Variants in GLG1 observed in about 807,000 individuals in gnomAD.
GLG1 encodes Golgi apparatus protein 1.
A neutral mutation model predicts 160.5 loss-of-function variants in GLG1; 38 were observed. The observed-to-expected ratio is 0.24, with a 90% CI of 0.18 to 0.31. GLG1 has a LOEUF of 0.31. Ranked by LOEUF, GLG1 falls within the 10% of genes least tolerant of loss-of-function variation. The pLI is 1.00. For synonymous variants in GLG1, 644 were observed against 543.4 expected, an observed-to-expected ratio of 1.19 and a Z score of -2.57; for missense variants, 1,373 against 1,505.2, an observed-to-expected ratio of 0.91 and a Z score of 1.45.
chr16:74,460,045 G>C (rs2014724914), intron 22 of GLG1, among the ~76,000 whole-genome samples: 1 of 145,994 alleles, frequency 6.8e-6, no homozygotes, highest in Admixed American at 6.9e-5. Context: ...TTTTTAGACA[G>C]AGTCTTGCTC....
At chr16:74,457,423 A>C (rs1197282175) in intron 24 of GLG1, among the ~76,000 whole-genome samples, 1 of 152,004 alleles carries the variant, frequency 6.6e-6, no homozygotes, top group Non-Finnish European at 1.5e-5. Flanking sequence ...ATACAAACAA[A>C]CAACTTCTAT....
intron 1 of GLG1, among the ~76,000 whole-genome samples, chr16:74,538,681 CCT>C (rs1261312348): frequency 1.3e-5 from 2 of 151,310 alleles, no homozygotes; most frequent in African/African-American, 4.9e-5. Flanking sequence ...CATTCAACTA[CCT>C]TTTCAAAAAG....
At chr16:74,508,526 G>C (rs993885804) in intron 3 of GLG1, among the ~76,000 whole-genome samples, 1 of 152,102 alleles carries the variant, frequency 6.6e-6, no homozygotes, top group African/African-American at 2.4e-5. Flanking sequence ...CCTGTAACCA[G>C]GCTGATATGC....
chr16:74,463,014 G>A (rs1408127036), intron 20 of GLG1: 1 of 416,872 alleles, frequency 2.4e-6, no homozygotes, highest in Non-Finnish European at 4.3e-6. Flanking sequence ...CAACTCAGAG[G>A]TGAAATGTTT....
chr16:74,462,377 T>C (rs1300482000), intron 21 of GLG1, 111 bp downstream of exon 21: 17 of 1,039,780 alleles, frequency 1.6e-5, no homozygotes, highest in Non-Finnish European at 2.5e-5. Flanking sequence ...TTCGGGAAGA[T>C]ATGAAAAAGG....
At chr16:74,461,737 T>C (rs183814848) in intron 22 of GLG1, 90 of 165,288 alleles carry the variant, frequency 5.4e-4, no homozygotes, top group Admixed American at 2.8e-3. Flanking sequence ...TCCCAAAGTG[T>C]TGGGATTACA....
At chr16:74,464,166 T>C (rs139137382) in intron 19 of GLG1, among the ~76,000 whole-genome samples, 151 of 152,312 alleles carry the variant, frequency 9.9e-4, no homozygotes, top group Non-Finnish European at 1.4e-3. Flanking sequence ...TTACACAGGA[T>C]TGGTTCCCTA....
Position 74,468,933 on chromosome 16 carries a change from T to G in GLG1, c.2436+13A>C. 2 of 1,493,002 alleles carry G rather than the reference T, an allele frequency of 1.3e-6. No homozygotes were observed. Among genetic ancestry groups the G allele is most frequent in the South Asian group, 2.3e-5 (2 of 88,678 alleles). 92.5% of individuals were successfully genotyped at this position (1,493,002 alleles called of 1,614,324 possible). ...CACTGTGGTTTCTGGGAGCAGAGGC[T>G]GGGAGGCATTACCATCTCCAGCTCC... is the stretch of plus-strand genomic sequence containing the variant. On this transcript the variant is annotated intron_variant, in intron 17 of 25. Coordinates refer to ENST00000422840, the MANE Select transcript of GLG1 (RefSeq NM_001145667.2).
At chr16:74,500,206 A>C (rs922342123) in intron 4 of GLG1, among the ~76,000 whole-genome samples, 1 of 152,236 alleles carries the variant, frequency 6.6e-6, no homozygotes, top group Non-Finnish European at 1.5e-5. Flanking sequence ...CCAAACATTA[A>C]TTAAAGTGAG....
intron 2 of GLG1, among the ~76,000 whole-genome samples, chr16:74,515,393 G>A (rs2016946811): frequency 6.6e-6 from 1 of 152,124 alleles, no homozygotes; most frequent in African/African-American, 2.4e-5. Flanking sequence ...CACATAATTG[G>A]AAGTAGAACA....
intron 2 of GLG1, among the ~76,000 whole-genome samples, chr16:74,521,287 G>C (rs1437334464): frequency 1.3e-5 from 2 of 152,062 alleles, no homozygotes; most frequent in Non-Finnish European, 2.9e-5. Context: ...TGAGAAAAAA[G>C]TTTTAGGGGT....
In GLG1 at chr16:74,563,947, A is replaced by G. The variant is rs148042352; in HGVS notation, c.439-31794T>C. On this transcript the variant is annotated intron_variant, in intron 1 of 25. Coordinates refer to ENST00000422840, the MANE Select transcript of GLG1 (RefSeq NM_001145667.2). ...CACTTTTATTTTTATTCTTTGAGACAGGTTTTTGCTCTGTCACCCAGGCCG... is the reference window on the plus strand; with the variant it reads ...CACTTTTATTTTTATTCTTTGAGACGGGTTTTTGCTCTGTCACCCAGGCCG... Among the ~76,000 whole-genome samples the G allele has an allele frequency of 6.6e-5, 10 of 152,218 alleles. No homozygotes were observed. In the East Asian group the frequency reaches 1.9e-3, roughly 29 times the overall value.
At chr16:74,459,900 G>C (rs1227869615) in intron 22 of GLG1, 111 bp from the exon 23 acceptor site, 1 of 590,932 alleles carries the variant, frequency 1.7e-6, no homozygotes, top group Non-Finnish European at 2.9e-6. Context: ...CTGTCACCCA[G>C]GCTGCAGTGC....
rs1000111950 is a variant in GLG1 at position 74,483,123 on chromosome 16, T to G, written c.1573A>C (p.Ile525Leu). ...CKHIRSGDPM[I>L]LSCLMEHLYT... Reference sequence around the variant, plus strand: ...AAATGTTCCATCAGGCACGACAAGATCCTAGCCATTAAATGTGTAAAATTG... The same window carrying G: ...AAATGTTCCATCAGGCACGACAAGAGCCTAGCCATTAAATGTGTAAAATTG... The change falls in exon 10 of 26, where the codon ATC (isoleucine) becomes CTC (leucine). Residue 525 changes from isoleucine (I) to leucine (L), a missense_variant and splice_region_variant. Ile to Leu is a conservative substitution (Grantham distance 5, BLOSUM62 2). This residue lies in a region of GLG1 where 386 missense variants were observed against 388.5 expected (regional missense o/e 0.99). Transcript: ENST00000422840. 2 of 1,564,308 alleles carry G rather than the reference T, an allele frequency of 1.3e-6. No individual in the cohort carries two copies. The highest frequency in any genetic ancestry group is 1.8e-6 in the Non-Finnish European group (2 of 1,134,930).
chr16:74,458,069 A>G, intron 23 of GLG1, 75 bp from the exon 24 acceptor site: 1 of 1,416,792 alleles, frequency 7.1e-7, no homozygotes, highest in Non-Finnish European at 9.8e-7. Flanking sequence ...TAAATACTTC[A>G]TATACTAATA....
chr16:74,457,807 C>CT, intron 24 of GLG1, 67 bp downstream of exon 24: 1 of 1,483,044 alleles, frequency 6.7e-7, no homozygotes, highest in Non-Finnish European at 9.3e-7. Context: ...CAACTGATGT[C>CT]TAAGAGGGAG....
At chr16:74,473,933 T>G (rs1299519644) in intron 13 of GLG1, among the ~76,000 whole-genome samples, 2 of 145,848 alleles carry the variant, frequency 1.4e-5, no homozygotes, top group Admixed American at 6.8e-5. Context: ...AATGTGACTG[T>G]GATGTGAAGT....
chr16:74,581,493 G>A (rs1957935967), intron 1 of GLG1, among the ~76,000 whole-genome samples: 1 of 145,022 alleles, frequency 6.9e-6, no homozygotes, highest in Admixed American at 7.1e-5. Flanking sequence ...TCTGGAATGG[G>A]AAGTTGTTAT....
In GLG1 at chr16:74,452,999, C is replaced by G. The variant is rs2014386035; in HGVS notation, c.*168G>C. ...TGCACGGTGAGGAGGAGGAGGACAC[C>G]ATGGACACGAGTGGAGGCTGGATGG... On this transcript the variant is annotated 3_prime_UTR_variant, in exon 26 of 26. Coordinates refer to ENST00000422840, the MANE Select transcript of GLG1 (RefSeq NM_001145667.2). 3.7e-6 allele frequency: 5 copies of G among 1,352,162 alleles called. No individual in the cohort carries two copies. In the African/African-American group the frequency reaches 4.4e-5, roughly 12 times the overall value. 83.8% of individuals were successfully genotyped at this position (1,352,162 alleles called of 1,614,324 possible). A position where few individuals can be genotyped will look rare whatever the true frequency, so the allele number is the denominator to read the frequency against.
Sources: gnomAD v4.1 joint callset for allele counts (sites outside exome capture counted in the v4.1 genomes callset) on GRCh38, gnomAD v4.1.1 for gene constraint, gnomAD v4.1.1 regional missense constraint, MANE v1.5 for transcripts, NCBI Gene and HGNC (gene_info 2026-07-23, HGNC 2026-07-21) for gene names.